SLC25A17: variants seen among roughly 807,000 people sequenced by gnomAD.
SLC25A17 encodes the protein peroxisomal membrane protein PMP34.
A neutral mutation model predicts 38.5 loss-of-function variants in SLC25A17; 26 were observed. The observed-to-expected ratio is 0.68, with a 90% CI of 0.50 to 0.94. SLC25A17 has a LOEUF of 0.94. Ranked by LOEUF, SLC25A17 falls within the 40% of genes least tolerant of loss-of-function variation. The pLI, the probability that SLC25A17 is intolerant of heterozygous loss-of-function variation, is 0.00. For synonymous variants in SLC25A17, 139 were observed against 136.2 expected (o/e 1.02, Z -0.14); for missense variants, 333 against 372.7 (o/e 0.89, Z 0.88).
intron 4 of SLC25A17, among the ~76,000 whole-genome samples, chr22:40,782,164 G>T (rs955740525): frequency 2.6e-5 from 4 of 152,044 alleles, no homozygotes; most frequent in Admixed American, 2.6e-4. Context: ...AGGTTGCAGT[G>T]AGCCGAGATC....
At chr22:40,800,120 G>T (rs1321263242) in intron 1 of SLC25A17, among the ~76,000 whole-genome samples, 1 of 151,920 alleles carries the variant, frequency 6.6e-6, no homozygotes, top group Non-Finnish European at 1.5e-5. Flanking sequence ...AATTAAATAG[G>T]AACAATCTCT....
chr22:40,794,773 C>T (rs532519870), intron 2 of SLC25A17, among the ~76,000 whole-genome samples, 193 bp from the exon 3 acceptor site: 1 of 152,100 alleles, frequency 6.6e-6, no homozygotes, highest in African/African-American at 2.4e-5. Flanking sequence ...GTGCACACCA[C>T]CATGCCCAGC....
intron 4 of SLC25A17, among the ~76,000 whole-genome samples, chr22:40,783,523 G>C (rs1394149957): frequency 1.3e-5 from 2 of 151,966 alleles, no homozygotes; most frequent in East Asian, 3.8e-4. Context: ...TTGAGACATG[G>C]TCTTGCTGCA....
At chr22:40,795,171 CCT>C (rs1242073874) in intron 2 of SLC25A17, among the ~76,000 whole-genome samples, 7 of 152,200 alleles carry the variant, frequency 4.6e-5, no homozygotes, top group Admixed American at 3.9e-4. Flanking sequence ...AAATGATGCC[CCT>C]GTGTGACCAT....
intron 7 of SLC25A17, among the ~76,000 whole-genome samples, chr22:40,775,334 CCCA>C (rs1028912373): frequency 7.2e-5 from 11 of 151,952 alleles, no homozygotes; most frequent in African/African-American, 2.4e-4. Context: ...TGTAATAATC[CCCA>C]CAAGTCAAGG....
chr22:40,800,703 A>C lies in SLC25A17; in HGVS notation c.55-1620T>G, dbSNP rs184769126. Among the ~76,000 whole-genome samples, 225 of 152,020 alleles carry C rather than the reference A, an allele frequency of 1.5e-3. 1 individual carries two copies. Among genetic ancestry groups the C allele is most frequent in the African/African-American group, 5.0e-3 (208 of 41,492 alleles). ...TGAGCCACTGCACCTGGCTTCATAC[A>C]GTATTTTAATCATGAGGTAGAGGTT... is the stretch of plus-strand genomic sequence containing the variant. On this transcript the variant is annotated intron_variant, in intron 1 of 8. Coordinates refer to ENST00000435456, the MANE Select transcript of SLC25A17 (RefSeq NM_006358.4).
chr22:40,781,379 A>G (rs953353949), intron 4 of SLC25A17, among the ~76,000 whole-genome samples: 4 of 151,680 alleles, frequency 2.6e-5, no homozygotes, highest in Admixed American at 6.6e-5. Flanking sequence ...CCGAGTAGCC[A>G]GGACTACAGG....
chr22:40,781,347 A>G (rs2057292746), intron 4 of SLC25A17, among the ~76,000 whole-genome samples: 1 of 151,042 alleles, frequency 6.6e-6, no homozygotes, highest in Non-Finnish European at 1.5e-5. Context: ...CCCGGCTCAC[A>G]CCATTCTCCT....
chr22:40,771,161 G>T (rs918090753), intron 8 of SLC25A17, among the ~76,000 whole-genome samples, 180 bp from the exon 9 acceptor site: 4 of 152,236 alleles, frequency 2.6e-5, no homozygotes, highest in Admixed American at 2.6e-4. Context: ...AGGCTGGAGT[G>T]CAGTGGCGCG....
chr22:40,816,611 T>G (rs1390583209), intron 1 of SLC25A17, among the ~76,000 whole-genome samples: 1 of 16,980 alleles, frequency 5.9e-5, no homozygotes, highest in Non-Finnish European at 1.2e-4. Context: ...TTTTTATTGT[T>G]TTTTTTTTTT....
Position 40,819,064 on chromosome 22 carries a change from C to G in SLC25A17, c.54+131G>C, listed in dbSNP as rs892509836. 5.2e-6 allele frequency: 5 copies of G among 955,218 alleles called. No individual in the cohort carries two copies. In the Admixed American group the frequency reaches 9.4e-5, roughly 18 times the overall value. 59.2% of individuals were successfully genotyped at this position (955,218 alleles called of 1,614,324 possible). A position where few individuals can be genotyped will look rare whatever the true frequency, so the allele number is the denominator to read the frequency against. On this transcript the variant is annotated intron_variant, in intron 1 of 8. Coordinates refer to ENST00000435456, the MANE Select transcript of SLC25A17 (RefSeq NM_006358.4). ...CCGCCAATGGCCCATTCCTCTCTGC[C>G]CCACAGTCATGACAGTGGACCCCAA...
chr22:40,781,016 T>C (rs990560797), intron 4 of SLC25A17, among the ~76,000 whole-genome samples: 1 of 151,526 alleles, frequency 6.6e-6, no homozygotes, highest in Non-Finnish European at 1.5e-5. Flanking sequence ...AAAAAAATAT[T>C]AAAAATTAGC....
Position 40,792,546 on chromosome 22 carries a change from G to C in SLC25A17, c.313C>G (p.Leu105Val), listed in dbSNP as rs1412201750. 1.2e-5 allele frequency: 19 copies of C among 1,612,268 alleles called. No homozygotes were observed. Among genetic ancestry groups the C allele is most frequent in the Non-Finnish European group, 1.5e-5 (18 of 1,179,074 alleles). Residue 105 changes from leucine to valine, a missense_variant, in exon 4 of 9, where the codon CTG (leucine) becomes GTG (valine). Transcript: ENST00000435456. ...KGQHSTTGKD[L>V]VVGFVAGVVN... ...TTACCTGCAACAAACCCAACTACCA[G>C]ATCTTTTCCAGTGGTAGAATGTTGA...
intron 1 of SLC25A17, among the ~76,000 whole-genome samples, chr22:40,811,669 GGTAAGAGAGGGA>G (rs1405939978): frequency 1.3e-5 from 2 of 152,020 alleles, no homozygotes; most frequent in Non-Finnish European, 2.9e-5. Context: ...TATGTCACAT[GGTAAGAGAGGGA>G]GTAAGAGAGA....
At position 40,799,073 on chromosome 22, in the gene SLC25A17, G is replaced by A; in HGVS notation, c.65C>T (p.Thr22Ile). The change falls in exon 2 of 9, where the codon ACA becomes ATA. Residue 22 changes from threonine to isoleucine, a missense_variant. By Grantham distance (89) the Thr-to-Ile change is moderately conservative. Coordinates refer to ENST00000435456, the MANE Select transcript of SLC25A17 (RefSeq NM_006358.4). ...HAVAGAVGSV[T>I]AMTVFFPLDT... Reference sequence around the variant, plus strand: ...CAGGGGAAAAAACACTGTCATTGCTGTCACGCTTCCCTGAAAAGTTTGAAA... The same window carrying A: ...CAGGGGAAAAAACACTGTCATTGCTATCACGCTTCCCTGAAAAGTTTGAAA... 6.2e-7 allele frequency: 1 copy of A among 1,613,334 alleles called. No individual in the cohort carries two copies. The highest frequency in any genetic ancestry group is 8.5e-7 in the Non-Finnish European group (1 of 1,179,440).
At chr22:40,801,120 AT>A (rs1252654595) in intron 1 of SLC25A17, among the ~76,000 whole-genome samples, 3,604 of 114,318 alleles carry the variant, frequency 0.032, 182 homozygotes, top group African/African-American at 0.12. Context: ...AAAGAAAAAA[AT>A]ATATTACATA....
chr22:40,793,600 T>C lies in SLC25A17; in HGVS notation c.182+914A>G, dbSNP rs150699169. ...AGGAAATGTGAGGCAAACTTAAAAA[T>C]GAGAAACTTTCTATTTTCTTTTTTT... On this transcript the variant is annotated intron_variant, in intron 3 of 8. Coordinates refer to ENST00000435456, the MANE Select transcript of SLC25A17 (RefSeq NM_006358.4). Among the ~76,000 whole-genome samples the C allele has an allele frequency of 3.5e-3, 533 of 151,980 alleles. 3 individuals are homozygous for C. Among genetic ancestry groups the C allele is most frequent in the South Asian group, 0.02 (97 of 4,806 alleles).
intron 7 of SLC25A17, among the ~76,000 whole-genome samples, chr22:40,775,922 A>G (rs1177295234): frequency 6.6e-6 from 1 of 152,088 alleles, no homozygotes; most frequent in African/African-American, 2.4e-5. Context: ...TCCTTTATAA[A>G]TTACCCAGTC....
chr22:40,788,943 G>A, intron 4 of SLC25A17: 1 of 312,408 alleles, frequency 3.2e-6, no homozygotes. Context: ...GTCTGAGGTA[G>A]CCAACAACGG....
Sources: allele counts gnomAD v4.1 joint callset (sites outside exome capture counted in the v4.1 genomes callset), GRCh38; gene constraint gnomAD v4.1.1; transcripts MANE v1.5; gene names NCBI Gene and HGNC (gene_info 2026-07-23, HGNC 2026-07-21).